DACH1: variants seen among roughly 807,000 people sequenced by gnomAD.
The protein encoded by DACH1 is dachshund family transcription factor 1, also known as dachshund homolog 1.
DACH1 carries 12 observed loss-of-function variants against 54.2 expected under a neutral mutation model. The ratio of observed to expected loss-of-function variants is 0.22; its 90% confidence interval spans 0.14 to 0.36. The LOEUF is 0.36. DACH1 is among the 10% of genes least tolerant of loss of function. The probability of loss-of-function intolerance (pLI) is 1.00; values close to 1 mark genes in which losing one functional copy is unlikely to be tolerated. For missense variants in DACH1, 805 were observed against 929.8 expected (o/e 0.87, Z 1.75); for synonymous variants, 386 against 366.2 (o/e 1.05, Z -0.62).
chr13:71,722,862 T>TG (rs1883293325), intron 1 of DACH1, among the ~76,000 whole-genome samples: 1 of 152,028 alleles, frequency 6.6e-6, no homozygotes, highest in African/African-American at 2.4e-5. Context: ...ACGATGGAGC[T>TG]GGGGGTGTAG....
intron 1 of DACH1, among the ~76,000 whole-genome samples, chr13:71,789,924 G>A (rs1000317819): frequency 4.6e-5 from 7 of 151,990 alleles, no homozygotes; most frequent in African/African-American, 1.2e-4. Context: ...TGTCAGTGCC[G>A]GCATACAAAT....
At chr13:71,561,819 C>A (rs1884602361) in intron 4 of DACH1, among the ~76,000 whole-genome samples, 1 of 151,970 alleles carries the variant, frequency 6.6e-6, no homozygotes, top group African/African-American at 2.4e-5. Context: ...ATGTACATTG[C>A]CAATAAACAT....
At chr13:71,631,822 G>C (rs1041408412) in intron 2 of DACH1, among the ~76,000 whole-genome samples, 2 of 152,120 alleles carry the variant, frequency 1.3e-5, no homozygotes, top group African/African-American at 4.8e-5. Flanking sequence ...GTTTGAGCCG[G>C]GTGCAGTAGC....
At chr13:71,836,526 A>G (rs1165225332) in intron 1 of DACH1, among the ~76,000 whole-genome samples, 3 of 151,882 alleles carry the variant, frequency 2.0e-5, no homozygotes, top group Non-Finnish European at 4.4e-5. Flanking sequence ...GAATTGCAGG[A>G]AAAAAAATGT....
intron 1 of DACH1, among the ~76,000 whole-genome samples, chr13:71,829,396 TAA>T (rs1430476462): frequency 6.6e-6 from 1 of 151,970 alleles, no homozygotes; most frequent in Non-Finnish European, 1.5e-5. Flanking sequence ...GACTTTAGAA[TAA>T]GTTTGTCTAA....
At chr13:71,498,582 T>A (rs1171002777) in intron 6 of DACH1, among the ~76,000 whole-genome samples, 1 of 151,858 alleles carries the variant, frequency 6.6e-6, no homozygotes, top group African/African-American at 2.4e-5. Context: ...AAAGAGTGAT[T>A]CAAATGGCAC....
chr13:71,757,500 G>C (rs1313909715), intron 1 of DACH1, among the ~76,000 whole-genome samples: 2 of 149,844 alleles, frequency 1.3e-5, no homozygotes, highest in Admixed American at 1.3e-4. Flanking sequence ...TTGTTGAAAA[G>C]CCAAGAGAAT....
intron 6 of DACH1, among the ~76,000 whole-genome samples, chr13:71,490,031 C>G (rs2138205664): frequency 6.6e-6 from 1 of 152,198 alleles, no homozygotes; most frequent in Middle Eastern, 3.4e-3. Context: ...AAGATAGATA[C>G]AAGTTACGGC....
chr13:71,528,428 T>TTC (rs1555291493), intron 6 of DACH1, among the ~76,000 whole-genome samples: 5 of 142,820 alleles, frequency 3.5e-5, no homozygotes, highest in Admixed American at 2.1e-4. Context: ...AGATTTTCTT[T>TTC]TTTTTTTTTT....
rs528566185 is a variant in DACH1 at position 71,844,979 on chromosome 13, G to A, written c.848+20943C>T. On this transcript the variant is annotated intron_variant, in intron 1 of 10. Coordinates refer to ENST00000613252, the MANE Select transcript of DACH1 (RefSeq NM_080759.6). ...GGGAAGGGCAGGAGAAAGGAGGGAA[G>A]AGGAAGAGATTTGTTAAACAACACA... Among the ~76,000 whole-genome samples the A allele has an allele frequency of 8.5e-5, 13 of 152,264 alleles. 1 individual carries two copies. In the South Asian group the frequency reaches 2.7e-3, roughly 32 times the overall value.
intron 1 of DACH1, among the ~76,000 whole-genome samples, chr13:71,789,819 T>C (rs919185337): frequency 1.3e-5 from 2 of 152,138 alleles, no homozygotes; most frequent in African/African-American, 4.8e-5. Flanking sequence ...GTGCCTTTTA[T>C]TGAGCTTCTA....
intron 1 of DACH1, among the ~76,000 whole-genome samples, chr13:71,718,568 C>T (rs1352378297): frequency 4.4e-5 from 4 of 91,328 alleles, no homozygotes; most frequent in African/African-American, 1.7e-4. Context: ...AGAGCAAGAC[C>T]ATATCTGAAA....
intron 1 of DACH1, among the ~76,000 whole-genome samples, chr13:71,761,842 C>T (rs1885413500): frequency 6.6e-6 from 1 of 151,832 alleles, no homozygotes; most frequent in African/African-American, 2.4e-5. Context: ...CAAGATAAAG[C>T]CATATGTGAT....
chr13:71,725,391 A>G (rs902586520), intron 1 of DACH1, among the ~76,000 whole-genome samples: 2 of 152,144 alleles, frequency 1.3e-5, no homozygotes, highest in African/African-American at 4.8e-5. Flanking sequence ...CTGTCATTTC[A>G]TTCAAGTGTT....
intron 8 of DACH1, among the ~76,000 whole-genome samples, chr13:71,477,121 T>A (rs971711913): frequency 1.7e-5 from 2 of 117,290 alleles, no homozygotes; most frequent in African/African-American, 6.4e-5. Flanking sequence ...TTTTTTTTTT[T>A]TTTTTTTTTT....
At chr13:71,713,184 G>A (rs1371070238) in intron 1 of DACH1, among the ~76,000 whole-genome samples, 1 of 151,072 alleles carries the variant, frequency 6.6e-6, no homozygotes, top group Non-Finnish European at 1.5e-5. Context: ...GGTCCACGTT[G>A]ACCTAGCAGG....
At chr13:71,860,135 G>A (rs917886723) in intron 1 of DACH1, among the ~76,000 whole-genome samples, 1 of 151,350 alleles carries the variant, frequency 6.6e-6, no homozygotes, top group African/African-American at 2.4e-5. Flanking sequence ...TATAAGTGTA[G>A]TCTTAGCTAG....
At chr13:71,628,458 A>G (rs939888480) in intron 3 of DACH1, among the ~76,000 whole-genome samples, 1 of 152,088 alleles carries the variant, frequency 6.6e-6, no homozygotes, top group Non-Finnish European at 1.5e-5. Context: ...AATGACCTGA[A>G]TGCCTTAGGG....
intron 1 of DACH1, among the ~76,000 whole-genome samples, chr13:71,853,932 G>A (rs1232395521): frequency 2.0e-5 from 3 of 151,982 alleles, no homozygotes; most frequent in African/African-American, 7.2e-5. Context: ...TGGGTGACCG[G>A]TATCTTAGCA....
Sources: gnomAD v4.1 joint callset for allele counts (sites outside exome capture counted in the v4.1 genomes callset) on GRCh38, gnomAD v4.1.1 for gene constraint, MANE v1.5 for transcripts, NCBI Gene and HGNC (gene_info 2026-07-23, HGNC 2026-07-21) for gene names.